Variants in OR7E24 observed in about 807,000 individuals in gnomAD.
OR7E24 encodes olfactory receptor 7E24.
For synonymous variants in OR7E24, 130 were observed against 157.5 expected, an observed-to-expected ratio of 0.83 and a Z score of 1.31; for missense variants, 385 against 410.3, an observed-to-expected ratio of 0.94 and a Z score of 0.53.
At chr19:9,243,711 C>A (rs543331258), upstream of OR7E24, among the ~76,000 whole-genome samples, 1 of 152,302 alleles carries the variant, frequency 6.6e-6, no homozygotes, top group East Asian at 1.9e-4. Flanking sequence ...ATGGCTCAAG[C>A]TGGTGCAATT....
chr19:9,248,431 C>T (rs1464096108), upstream of OR7E24, among the ~76,000 whole-genome samples: 6 of 152,086 alleles, frequency 3.9e-5, no homozygotes. Flanking sequence ...CACATTTGCA[C>T]CAGGCAGTCT....
chr19:9,228,917 G>T, the OR7E24 span, among the ~76,000 whole-genome samples: 1 of 152,142 alleles, frequency 6.6e-6, no homozygotes, highest in African/African-American at 2.4e-5. Context: ...GTTATGTGTG[G>T]TTATCACACA....
chr19:9,219,237 T>C, the OR7E24 span: 1 of 152,124 alleles, frequency 6.6e-6, no homozygotes, highest in Non-Finnish European at 1.5e-5. Flanking sequence ...AGTTAATGAA[T>C]AAGTAACTGG....
the OR7E24 span, chr19:9,208,137 A>G: frequency 6.6e-6 from 1 of 152,002 alleles, no homozygotes. Flanking sequence ...CCCAGGTTCA[A>G]GCAATTCTCC....
chr19:9,229,380 C>G, the OR7E24 span, among the ~76,000 whole-genome samples: 5 of 151,610 alleles, frequency 3.3e-5, no homozygotes, highest in Non-Finnish European at 7.4e-5. Flanking sequence ...AAAAAAACTA[C>G]AAAAATTAGC....
At chr19:9,226,031 T>C in the OR7E24 span, among the ~76,000 whole-genome samples, 1 of 152,228 alleles carries the variant, frequency 6.6e-6, no homozygotes, top group Non-Finnish European at 1.5e-5. Flanking sequence ...GCATGCTCCT[T>C]CCTGTGTCCA....
chr19:9,224,158 G>A, the OR7E24 span, among the ~76,000 whole-genome samples: 9 of 151,950 alleles, frequency 5.9e-5, no homozygotes, highest in African/African-American at 2.2e-4. Context: ...CCGGGGTCTC[G>A]GCTTTCTACA....
upstream of OR7E24, among the ~76,000 whole-genome samples, chr19:9,246,466 TTGTGTGTGTGTGTGTGTG>T (rs34518365): frequency 9.9e-5 from 13 of 130,986 alleles, no homozygotes; most frequent in South Asian, 2.5e-4. Flanking sequence ...CTTAAAGGTA[TTGTGTGTGTGTGTGTGTG>T]TGTGTGTGTG....
At chr19:9,247,537 T>C (rs2066133911), upstream of OR7E24, 4 of 398,710 alleles carry the variant, frequency 1.0e-5, no homozygotes, top group East Asian at 3.6e-5. Flanking sequence ...GAGGGACGGT[T>C]GGGAGCCTTG....
chr19:9,214,810 A>G, the OR7E24 span: 14 of 1,609,136 alleles, frequency 8.7e-6, no homozygotes, highest in African/African-American at 1.2e-4. Flanking sequence ...AGAAATTTTG[A>G]TAATTCTGTA....
chr19:9,244,987 TGA>T (rs760087917), upstream of OR7E24, among the ~76,000 whole-genome samples: 101 of 152,214 alleles, frequency 6.6e-4, no homozygotes, highest in Middle Eastern at 3.4e-3. Flanking sequence ...GCAGATCACC[TGA>T]GGTCAGGAGT....
chr19:9,217,211 G>A, the OR7E24 span, among the ~76,000 whole-genome samples: 1 of 152,288 alleles, frequency 6.6e-6, no homozygotes, highest in Non-Finnish European at 1.5e-5. Flanking sequence ...GTGTGCTTGT[G>A]TACACATGCA....
the OR7E24 span, among the ~76,000 whole-genome samples, chr19:9,221,495 C>G: frequency 3.3e-4 from 49 of 149,890 alleles, no homozygotes; most frequent in East Asian, 9.4e-3. Context: ...GGATTACAGG[C>G]GCCTGCCACG....
At chr19:9,246,698 G>A (rs1233829138), upstream of OR7E24, among the ~76,000 whole-genome samples, 4 of 152,156 alleles carry the variant, frequency 2.6e-5, no homozygotes, top group Non-Finnish European at 5.9e-5. Flanking sequence ...TCTGACACAT[G>A]ATACAACAGG....
At chr19:9,246,466 T>TGGGGGG (rs1555720675), upstream of OR7E24, among the ~76,000 whole-genome samples, 1 of 130,986 alleles carries the variant, frequency 7.6e-6, no homozygotes, top group African/African-American at 3.0e-5. Context: ...CTTAAAGGTA[T>TGGGGGG]TGTGTGTGTG....
At chr19:9,236,598 A>G in the OR7E24 span, among the ~76,000 whole-genome samples, 1 of 151,162 alleles carries the variant, frequency 6.6e-6, no homozygotes, top group African/African-American at 2.4e-5. Flanking sequence ...AACTGCAATG[A>G]CTTTTGCACC....
chr19:9,213,475 C>T, the OR7E24 span: 1 of 155,684 alleles, frequency 6.4e-6, no homozygotes, highest in African/African-American at 2.4e-5. Flanking sequence ...CACGGTGGCT[C>T]ACGCTTGTAA....
At chr19:9,236,237 G>A in the OR7E24 span, 1 of 571,548 alleles carries the variant, frequency 1.7e-6, no homozygotes, top group Non-Finnish European at 3.1e-6. Context: ...GTATGGCCGG[G>A]CACGGTGGCT....
the OR7E24 span, chr19:9,211,447 A>T: frequency 1.3e-5 from 2 of 152,258 alleles, no homozygotes. Flanking sequence ...TATCCAACTT[A>T]GCAAAAACAT....
Sources: allele counts gnomAD v4.1 joint callset (sites outside exome capture counted in the v4.1 genomes callset), GRCh38; gene constraint gnomAD v4.1.1; transcripts MANE v1.5; gene names NCBI Gene and HGNC (gene_info 2026-07-23, HGNC 2026-07-21).